The following UXS1 variants were observed in gnomAD, a reference collection of about 807,000 sequenced individuals.
The protein encoded by UXS1 is UDP-glucuronic acid decarboxylase 1.
UXS1 carries 33 observed loss-of-function variants against 62.6 expected under a neutral mutation model. The observed-to-expected ratio is 0.53, with a 90% CI of 0.40 to 0.70. UXS1 has a LOEUF of 0.70. Ranked by LOEUF, UXS1 falls within the 30% of genes least tolerant of loss-of-function variation. UXS1 has a pLI of 0.00. For missense variants in UXS1, 434 were observed against 556.3 expected, an observed-to-expected ratio of 0.78 and a Z score of 2.21; for synonymous variants, 213 against 206.8, an observed-to-expected ratio of 1.03 and a Z score of -0.26.
At chr2:106,126,744 C>A (rs1487534925) in intron 7 of UXS1, among the ~76,000 whole-genome samples, 1 of 152,090 alleles carries the variant, frequency 6.6e-6, no homozygotes, top group Non-Finnish European at 1.5e-5. Context: ...CCAGATTCCC[C>A]CAATGCTAAA....
intron 12 of UXS1, 141 bp downstream of exon 12, chr2:106,100,917 C>A: frequency 9.7e-7 from 1 of 1,027,008 alleles, no homozygotes; most frequent in Non-Finnish European, 1.5e-6. Flanking sequence ...GTTTGTTTTT[C>A]CTCTAGTATT....
rs1683047803 is a variant in UXS1, at chr2:106,163,729, A to C, written c.187-19T>G. 7.1e-7 allele frequency: 1 copy of C among 1,410,796 alleles called. No homozygotes were observed. The highest frequency in any genetic ancestry group is 2.8e-5 in the East Asian group (1 of 35,230). 87.4% of individuals were successfully genotyped at this position (1,410,796 alleles called of 1,614,324 possible). A position where few individuals can be genotyped will look rare whatever the true frequency, so the allele number is the denominator to read the frequency against. ...CAACCATCTAGAACAATAATAACAA[A>C]AATCAGTTTTAAAGCAAAAACACAG... is the stretch of plus-strand genomic sequence containing the variant. On this transcript the variant is annotated intron_variant, in intron 3 of 14. Coordinates refer to ENST00000283148, the MANE Select transcript of UXS1 (RefSeq NM_001253875.2).
At chr2:106,122,182 G>C (rs1436696286) in intron 9 of UXS1, among the ~76,000 whole-genome samples, 2 of 152,204 alleles carry the variant, frequency 1.3e-5, no homozygotes, top group African/African-American at 4.8e-5. Context: ...CAGCCATGTT[G>C]ATTTACCTGC....
intron 1 of UXS1, among the ~76,000 whole-genome samples, chr2:106,182,684 C>T (rs59982043): frequency 0.015 from 2,259 of 152,234 alleles, 69 homozygotes; most frequent in African/African-American, 0.051. Flanking sequence ...GTGCTCTGGG[C>T]TCATTCTCCA....
At chr2:106,189,184 G>T (rs1684765930) in intron 1 of UXS1, among the ~76,000 whole-genome samples, 1 of 151,954 alleles carries the variant, frequency 6.6e-6, no homozygotes, top group South Asian at 2.1e-4. Flanking sequence ...TCCCATAACT[G>T]AAGAATAAGT....
chr2:106,117,676 A>G (rs868265472), intron 9 of UXS1, among the ~76,000 whole-genome samples: 1 of 152,220 alleles, frequency 6.6e-6, no homozygotes, highest in African/African-American at 2.4e-5. Context: ...CAGGAAGTGC[A>G]CCAAGGTACA....
At chr2:106,192,540 A>C (rs546534146) in intron 1 of UXS1, among the ~76,000 whole-genome samples, 1 of 139,768 alleles carries the variant, frequency 7.2e-6, no homozygotes, top group African/African-American at 2.7e-5. Flanking sequence ...GGCTGAACAG[A>C]GCGAGACTCC....
chr2:106,130,986 C>G (rs1056316913), intron 6 of UXS1, among the ~76,000 whole-genome samples: 1 of 152,008 alleles, frequency 6.6e-6, no homozygotes, highest in Non-Finnish European at 1.5e-5. Context: ...GCATTTCCAT[C>G]TGAGGTTCCG....
intron 10 of UXS1, among the ~76,000 whole-genome samples, chr2:106,112,187 G>C (rs1161603784): frequency 1.3e-5 from 2 of 152,224 alleles, no homozygotes; most frequent in Admixed American, 1.3e-4. Context: ...AAGTCTCCCT[G>C]GGTTGAGGGT....
At position 106,115,669 on chromosome 2, in the gene UXS1, G is replaced by A. The variant is rs576896664; in HGVS notation, c.760-2904C>T. Among the ~76,000 whole-genome samples, 6 of 152,276 alleles carry A rather than the reference G, an allele frequency of 3.9e-5. No individual in the cohort carries two copies. The South Asian group carries it at 1.2e-3, about 32-fold the overall frequency. ...CCTGGATGGCCTCGTCTCATCCTGG[G>A]ATTCATTATCCCAAGGAAGTCACTT... On this transcript the variant is annotated intron_variant, in intron 9 of 14. Coordinates refer to ENST00000283148, the MANE Select transcript of UXS1 (RefSeq NM_001253875.2).
intron 1 of UXS1, among the ~76,000 whole-genome samples, chr2:106,190,821 C>A (rs1684878125): frequency 6.6e-6 from 1 of 151,304 alleles, no homozygotes; most frequent in East Asian, 1.9e-4. Context: ...TTTGGCCCTG[C>A]AGAAGCTATT....
intron 10 of UXS1, among the ~76,000 whole-genome samples, chr2:106,107,754 C>T (rs943188279): frequency 1.1e-4 from 17 of 152,232 alleles, no homozygotes; most frequent in African/African-American, 3.6e-4. Context: ...ACTGTGGGTG[C>T]ATTTCCCTGC....
chr2:106,143,044 T>C (rs1681248270), intron 6 of UXS1, among the ~76,000 whole-genome samples: 1 of 152,052 alleles, frequency 6.6e-6, no homozygotes, highest in African/African-American at 2.4e-5. Context: ...AAACACCATT[T>C]TTACTAAGTT....
chr2:106,114,704 C>G (rs905095645), intron 9 of UXS1, among the ~76,000 whole-genome samples: 3 of 152,198 alleles, frequency 2.0e-5, no homozygotes, highest in Non-Finnish European at 4.4e-5. Flanking sequence ...AACCCATAAA[C>G]AGGCTTGCTT....
intron 1 of UXS1, among the ~76,000 whole-genome samples, chr2:106,187,755 T>C (rs1444390430): frequency 2.6e-5 from 4 of 152,058 alleles, no homozygotes; most frequent in Non-Finnish European, 5.9e-5. Flanking sequence ...TTTTTTTTTT[T>C]TTTGAGATGG....
intron 5 of UXS1, among the ~76,000 whole-genome samples, chr2:106,154,978 A>G (rs76724594): frequency 0.017 from 2,663 of 152,320 alleles, 41 homozygotes; most frequent in East Asian, 0.062. Flanking sequence ...AGAGCTTTCA[A>G]TCATAGTAGA....
chr2:106,094,212 C>CAGGAAGGAAGTGCCACCTT (rs1558665543), intron 14 of UXS1, 55 bp from the exon 15 acceptor site: 6 of 1,186,246 alleles, frequency 5.1e-6, no homozygotes, highest in Middle Eastern at 2.0e-4. Flanking sequence ...AGAAGGGCAT[C>CAGGAAGGAAGTGCCACCTT]GCAGGAAGGA....
chr2:106,192,476 C>T (rs1343126559), intron 1 of UXS1, among the ~76,000 whole-genome samples: 4 of 151,820 alleles, frequency 2.6e-5, no homozygotes, highest in Non-Finnish European at 5.9e-5. Flanking sequence ...ATGGCGTGAA[C>T]CCGGGAGGTG....
chr2:106,163,581 G>T, intron 4 of UXS1, 86 bp downstream of exon 4: 1 of 869,750 alleles, frequency 1.1e-6, no homozygotes. Context: ...TAGGTTGGCA[G>T]AGTTTGGAGC....
Sources: gnomAD v4.1 joint callset for allele counts (sites outside exome capture counted in the v4.1 genomes callset) on GRCh38, gnomAD v4.1.1 for gene constraint, MANE v1.5 for transcripts, NCBI Gene and HGNC (gene_info 2026-07-23, HGNC 2026-07-21) for gene names.